Variants in VPS13C observed in about 807,000 individuals in gnomAD.
VPS13C encodes intermembrane lipid transfer protein VPS13C.
A neutral mutation model predicts 456.8 loss-of-function variants in VPS13C; 358 were observed. That is an observed-to-expected ratio of 0.78 (90% confidence interval 0.72 to 0.86). VPS13C has a LOEUF of 0.86. Among genes scored for constraint, VPS13C ranks in the 40% least tolerant of loss-of-function variants. The pLI, the probability that VPS13C is intolerant of heterozygous loss-of-function variation, is 0.00. For synonymous variants in VPS13C, 1,578 were observed against 1,486.7 expected (o/e 1.06, Z -1.41); for missense variants, 4,818 against 4,385.4 (o/e 1.10, Z -2.79).
chr15:61,927,407 CTCAA>C, intron 51 of VPS13C, 87 bp from the exon 52 acceptor site: 1 of 1,045,944 alleles, frequency 9.6e-7, no homozygotes, highest in Non-Finnish European at 1.4e-6. Flanking sequence ...TTAAGTTGTT[CTCAA>C]TGTTTTTCTA....
At chr15:62,037,408 A>G (rs189400382) in intron 3 of VPS13C, among the ~76,000 whole-genome samples, 31,935 of 95,054 alleles carry the variant, frequency 0.34, 6,746 homozygotes, top group Non-Finnish European at 0.44. Flanking sequence ...ATATATAAAT[A>G]TATATAATAT....
chr15:61,949,296 T>G (rs568631654), intron 42 of VPS13C, 147 bp downstream of exon 42: 2 of 859,292 alleles, frequency 2.3e-6, no homozygotes, highest in African/African-American at 1.7e-5. Context: ...TATAATCCCA[T>G]AGAGATAACA....
At chr15:61,913,680 T>C (rs1187599265) in intron 61 of VPS13C, among the ~76,000 whole-genome samples, 2 of 152,170 alleles carry the variant, frequency 1.3e-5, no homozygotes, top group Non-Finnish European at 2.9e-5. Context: ...TAGATACCAA[T>C]GAGATTATGT....
At chr15:62,053,127 G>A (rs775549225) in intron 1 of VPS13C, among the ~76,000 whole-genome samples, 16 of 152,146 alleles carry the variant, frequency 1.1e-4, no homozygotes, top group Non-Finnish European at 1.6e-4. Flanking sequence ...GCCTAAATAT[G>A]TATTACACTA....
At chr15:61,948,081 C>T (rs1161511974) in intron 42 of VPS13C, among the ~76,000 whole-genome samples, 1 of 152,068 alleles carries the variant, frequency 6.6e-6, no homozygotes, top group Non-Finnish European at 1.5e-5. Flanking sequence ...ATCACCAGTA[C>T]GACAGGTTGT....
chr15:61,941,872 C>G lies in VPS13C; in HGVS notation c.5344G>C (p.Gly1782Arg). The change falls in exon 46 of 85, where the codon GGT becomes CGT. Residue 1782 changes from glycine to arginine, a missense_variant. Around this residue, in one of 3 missense-constraint regions of VPS13C, gnomAD observed 4,552 missense variants for 4,130.6 expected, o/e 1.10. Transcript: ENST00000644861. Reference protein sequence around the residue: ...VSPNAVIADLGLIRVENKFSL... With the variant: ...VSPNAVIADLRLIRVENKFSL... ...AACTTGTTTTCAACTCTGATTAAAC[C>G]CAGATCTGCTATAACAGCATTAGGT... The G allele has an allele frequency of 6.2e-7, 1 of 1,613,952 alleles. No homozygotes were observed. Among genetic ancestry groups the G allele is most frequent in the South Asian group, 1.1e-5 (1 of 91,076 alleles).
rs769205655 is a variant in VPS13C at position 62,012,166 on chromosome 15, T to A, written c.826-2A>T. ...AAGAATTTCATTTTTCAGCTGATCC[T>A]AAACAAAAAATTTGAATGAGAATGA... On this transcript the variant is annotated splice_acceptor_variant, in intron 11 of 84. Coordinates refer to ENST00000644861, the MANE Select transcript of VPS13C (RefSeq NM_020821.3). LOFTEE classifies it high-confidence loss of function. The A allele has an allele frequency of 6.5e-7, 1 of 1,537,044 alleles. No homozygotes were observed. The highest frequency in any genetic ancestry group is 1.1e-5 in the South Asian group (1 of 88,754).
At chr15:62,055,938 G>C (rs1394623340) in intron 1 of VPS13C, among the ~76,000 whole-genome samples, 2 of 152,110 alleles carry the variant, frequency 1.3e-5, no homozygotes, top group East Asian at 3.9e-4. Context: ...AGAATGTTTA[G>C]CAGTACTCCA....
At chr15:61,857,931 T>G (rs1225858858) in intron 82 of VPS13C, among the ~76,000 whole-genome samples, 1 of 152,178 alleles carries the variant, frequency 6.6e-6, no homozygotes, top group South Asian at 2.1e-4. Context: ...GATGGTCTTG[T>G]GCACTGGACA....
chr15:62,010,687 GAAGTA>G, intron 12 of VPS13C, 88 bp from the exon 13 acceptor site: 1 of 1,267,770 alleles, frequency 7.9e-7, no homozygotes, highest in Non-Finnish European at 1.0e-6. Context: ...TGTTACTCTA[GAAGTA>G]AAGAAAAATG....
rs762493623 is a variant in VPS13C, at chr15:61,983,843, G to T, written c.1891C>A (p.Pro631Thr). The T allele has an allele frequency of 1.9e-6, 3 of 1,614,062 alleles. No homozygotes were observed. Among genetic ancestry groups the T allele is most frequent in the Non-Finnish European group, 2.5e-6 (3 of 1,179,972 alleles). The change falls in exon 20 of 85, where the codon CCT becomes ACT. Residue 631 changes from proline (P) to threonine (T), a missense_variant. Physicochemically the swap from Pro to Thr is conservative, Grantham distance 38. This residue lies in a region of VPS13C where 4,552 missense variants were observed against 4,130.6 expected (regional missense o/e 1.10). Coordinates refer to ENST00000644861, the MANE Select transcript of VPS13C (RefSeq NM_020821.3). ...ADQTLIVQSQ[P>T]VEVIYDAKTV... ...ACAGCATCATAGATGACCTCCACAG[G>T]CTGGGACTGAACAATCAGAGTCTGG...
intron 78 of VPS13C, 114 bp downstream of exon 78, chr15:61,873,132 C>T: frequency 4.1e-6 from 6 of 1,452,750 alleles, no homozygotes; most frequent in Non-Finnish European, 5.5e-6. Context: ...ATTTATCATT[C>T]TTTCTATTCC....
intron 65 of VPS13C, among the ~76,000 whole-genome samples, chr15:61,908,564 A>G (rs1168406925): frequency 2.0e-5 from 3 of 152,074 alleles, no homozygotes; most frequent in Non-Finnish European, 2.9e-5. Flanking sequence ...TACCCAAAAA[A>G]ACTAAATACA....
intron 82 of VPS13C, among the ~76,000 whole-genome samples, chr15:61,862,119 AAAAAG>A (rs371723460): frequency 4.6e-5 from 7 of 152,022 alleles, no homozygotes; most frequent in South Asian, 2.1e-4. Flanking sequence ...AAAGAAAAGG[AAAAAG>A]AAAAGAAAAG....
At chr15:61,921,662 A>G (rs745713166) in intron 55 of VPS13C, among the ~76,000 whole-genome samples, 3 of 152,152 alleles carry the variant, frequency 2.0e-5, no homozygotes, top group Non-Finnish European at 4.4e-5. Context: ...ACATACACAT[A>G]TATCTCTTTA....
chr15:62,041,477 A>C, intron 2 of VPS13C, 111 bp from the exon 3 acceptor site: 2 of 1,002,152 alleles, frequency 2.0e-6, no homozygotes, highest in Middle Eastern at 2.3e-4. Flanking sequence ...CAAAAACCAA[A>C]TTTTCTATAT....
chr15:61,877,189 A>G, intron 74 of VPS13C, 135 bp from the exon 75 acceptor site: 1 of 556,750 alleles, frequency 1.8e-6, no homozygotes, highest in Non-Finnish European at 3.1e-6. Flanking sequence ...ACCACATACA[A>G]TTTATGATTG....
chr15:61,945,843 G>A lies in VPS13C; in HGVS notation c.5020C>T (p.Leu1674=), dbSNP rs762431865. The A allele has an allele frequency of 3.7e-6, 6 of 1,612,084 alleles. No individual in the cohort carries two copies. The highest frequency in any genetic ancestry group is 5.1e-6 in the Non-Finnish European group (6 of 1,179,424). ...ILGDEVFRFQ[L]TLYPDATEGE... is the part of the protein sequence containing the mutation. ...TCTGTGGCATCTGGATAAAGAGTCAGTTGGAACCTAAAGACTTCATCTCCC... is the reference window on the plus strand; with the variant it reads ...TCTGTGGCATCTGGATAAAGAGTCAATTGGAACCTAAAGACTTCATCTCCC... Residue 1674 remains leucine, a synonymous_variant, in exon 45 of 85, where the codon CTG becomes TTG. Coordinates refer to ENST00000644861, the MANE Select transcript of VPS13C (RefSeq NM_020821.3).
At chr15:61,976,103 T>C (rs2045695398) in intron 24 of VPS13C, among the ~76,000 whole-genome samples, 1 of 152,086 alleles carries the variant, frequency 6.6e-6, no homozygotes, top group South Asian at 2.1e-4. Context: ...TGCAGAATTT[T>C]CCACATGTGT....
Sources: gnomAD v4.1 joint callset for allele counts (sites outside exome capture counted in the v4.1 genomes callset) on GRCh38, gnomAD v4.1.1 for gene constraint, gnomAD v4.1.1 regional missense constraint, MANE v1.5 for transcripts, NCBI Gene and HGNC (gene_info 2026-07-23, HGNC 2026-07-21) for gene names.